HSD17B12: variants seen among roughly 807,000 people sequenced by gnomAD.
HSD17B12 encodes the protein very-long-chain 3-oxoacyl-CoA reductase.
In HSD17B12, 32 loss-of-function variants were observed where a neutral mutation model predicts 39.3. The observed-to-expected ratio is 0.81, with a 90% confidence interval of 0.61 to 1.09. The LOEUF (loss-of-function observed/expected upper bound fraction) is 1.09, where lower values mean the gene tolerates loss of function less well. HSD17B12 is among the 50% of genes least tolerant of loss of function. The pLI is 0.00. For synonymous variants in HSD17B12, 150 were observed against 146.7 expected (o/e 1.02, Z -0.16); for missense variants, 342 against 382.9 (o/e 0.89, Z 0.89).
At chr11:43,784,579 T>C (rs1950798688) in intron 3 of HSD17B12, among the ~76,000 whole-genome samples, 1 of 151,876 alleles carries the variant, frequency 6.6e-6, no homozygotes, top group Admixed American at 6.6e-5. Context: ...TGAGACAGAG[T>C]GATAGTGATT....
At chr11:43,642,796 T>G in the HSD17B12 span, among the ~76,000 whole-genome samples, 7 of 151,928 alleles carry the variant, frequency 4.6e-5, no homozygotes, top group African/African-American at 1.7e-4. Flanking sequence ...TATCTTGGTA[T>G]ATGGCATTTG....
At position 43,690,390 on chromosome 11, in the gene HSD17B12, A is replaced by AT. The variant is rs1196143107; in HGVS notation, c.160+9404dup. 8.2e-3 allele frequency among the ~76,000 whole-genome samples: 120 copies of AT among 14,570 alleles called. 1 individual carries two copies. The highest frequency in any genetic ancestry group is 0.014 in the Admixed American group (14 of 1,004). The allele number at this position is 14,570 out of a possible 152,430, so 9.6% of individuals were successfully genotyped here. A position where few individuals can be genotyped will look rare whatever the true frequency, so the allele number is the denominator to read the frequency against. On this transcript the variant is annotated intron_variant, in intron 1 of 10. Coordinates refer to ENST00000278353, the MANE Select transcript of HSD17B12 (RefSeq NM_016142.3). ...TATATATATATATATATATATATAT[A>AT]TATATATATATATATTTTTTTTTTT...
chr11:43,592,537 A>C, the HSD17B12 span, among the ~76,000 whole-genome samples: 1 of 152,096 alleles, frequency 6.6e-6, no homozygotes, highest in Non-Finnish European at 1.5e-5. Flanking sequence ...CATTGTGACC[A>C]CCCACCTGGT....
the HSD17B12 span, among the ~76,000 whole-genome samples, chr11:43,564,016 C>CCA: frequency 6.6e-6 from 1 of 152,066 alleles, no homozygotes; most frequent in Admixed American, 6.6e-5. Flanking sequence ...TAGGTGCACG[C>CCA]CACCATGCCT....
chr11:43,783,211 A>G (rs1255913975), intron 3 of HSD17B12, among the ~76,000 whole-genome samples: 1 of 152,194 alleles, frequency 6.6e-6, no homozygotes, highest in East Asian at 1.9e-4. Context: ...GTAAAAATTG[A>G]CAGGCTCTGA....
chr11:43,771,873 G>C (rs1276748245), intron 3 of HSD17B12, among the ~76,000 whole-genome samples: 10 of 152,016 alleles, frequency 6.6e-5, no homozygotes, highest in Non-Finnish European at 4.4e-5. Context: ...TTACAAATAT[G>C]GTAGCAGACT....
the HSD17B12 span, among the ~76,000 whole-genome samples, chr11:43,674,885 A>G: frequency 3.4e-3 from 518 of 152,242 alleles, 3 homozygotes; most frequent in East Asian, 0.03. Context: ...TCCCCCACCT[A>G]AATTAGGTCC....
At chr11:43,784,301 ATATTATTATTATTATTATTATTAT>A (rs36168037) in intron 3 of HSD17B12, among the ~76,000 whole-genome samples, 2 of 143,116 alleles carry the variant, frequency 1.4e-5, no homozygotes, top group Non-Finnish European at 3.0e-5. Context: ...TCAGGGATTG[ATATTATTATTATTATTATTATTAT>A]TATTATTATT....
chr11:43,802,076 C>T (rs969297124), intron 4 of HSD17B12, among the ~76,000 whole-genome samples: 1 of 151,986 alleles, frequency 6.6e-6, no homozygotes, highest in Non-Finnish European at 1.5e-5. Context: ...AGCTCCATCT[C>T]CCAGGTTCAC....
At chr11:43,679,010 A>G (rs1263229744), upstream of HSD17B12, among the ~76,000 whole-genome samples, 1 of 152,126 alleles carries the variant, frequency 6.6e-6, no homozygotes, top group Non-Finnish European at 1.5e-5. Context: ...CATTGAATCT[A>G]TACATTACCT....
At chr11:43,708,979 C>G (rs1950040291) in intron 1 of HSD17B12, among the ~76,000 whole-genome samples, 1 of 152,152 alleles carries the variant, frequency 6.6e-6, no homozygotes, top group South Asian at 2.1e-4. Context: ...ACTGTGCCCT[C>G]CAGTGGAGAA....
the HSD17B12 span, among the ~76,000 whole-genome samples, chr11:43,660,661 A>C: frequency 2.8e-4 from 42 of 152,312 alleles, no homozygotes; most frequent in African/African-American, 9.4e-4. Context: ...ATAACCTATT[A>C]GTTTGCTCCT....
the HSD17B12 span, among the ~76,000 whole-genome samples, chr11:43,619,233 A>G: frequency 4.1e-5 from 1 of 24,580 alleles, no homozygotes; most frequent in Non-Finnish European, 9.2e-5. Context: ...TATATGATAT[A>G]TATATATATA....
rs558025724 is a variant in HSD17B12, at chr11:43,699,059, A to T, written c.160+18072A>T. Among the ~76,000 whole-genome samples the T allele has an allele frequency of 4.6e-5, 7 of 152,324 alleles. No homozygotes were observed. The South Asian group carries it at 1.4e-3, about 32-fold the overall frequency. On this transcript the variant is annotated intron_variant, in intron 1 of 10. Coordinates refer to ENST00000278353, the MANE Select transcript of HSD17B12 (RefSeq NM_016142.3). ...AGCTTCAACTTTATTTTTAACATAT[A>T]CAAAAGGTATGTATGGTTAGTTACT... is the stretch of plus-strand genomic sequence containing the variant.
intron 1 of HSD17B12, among the ~76,000 whole-genome samples, chr11:43,686,385 G>A (rs2134768458): frequency 6.6e-6 from 1 of 152,316 alleles, no homozygotes; most frequent in East Asian, 1.9e-4. Flanking sequence ...GCAGATTAAA[G>A]TTGGCAGGGC....
rs371933741 is a variant in HSD17B12 at position 43,720,780 on chromosome 11, AC to A, written c.161-30130del. On this transcript the variant is annotated intron_variant, in intron 1 of 10. Coordinates refer to ENST00000278353, the MANE Select transcript of HSD17B12 (RefSeq NM_016142.3). ...AAGATTTACTATAGGTGAGAAGTTA[AC>A]AAGTGGTAGCCTGTGTATGTATCTG... 2.7e-3 allele frequency among the ~76,000 whole-genome samples: 415 copies of A among 152,178 alleles called. 1 individual carries two copies. The highest frequency in any genetic ancestry group is 9.7e-3 in the African/African-American group (404 of 41,496).
chr11:43,590,782 T>C, the HSD17B12 span, among the ~76,000 whole-genome samples: 1 of 149,150 alleles, frequency 6.7e-6, no homozygotes, highest in Non-Finnish European at 1.5e-5. Flanking sequence ...AGTGCTGGGA[T>C]TACAGGCCAC....
chr11:43,816,247 T>C, intron 5 of HSD17B12, 100 bp from the exon 6 acceptor site: 1 of 994,178 alleles, frequency 1.0e-6, no homozygotes. Context: ...CTGCAATATC[T>C]GGGGAAATGT....
At chr11:43,740,549 A>G (rs1005599461) in intron 1 of HSD17B12, among the ~76,000 whole-genome samples, 2 of 152,242 alleles carry the variant, frequency 1.3e-5, no homozygotes, top group Non-Finnish European at 2.9e-5. Context: ...CAGTGGTGTT[A>G]TCAGGGACCT....
Sources: gnomAD v4.1 joint callset for allele counts (sites outside exome capture counted in the v4.1 genomes callset) on GRCh38, gnomAD v4.1.1 for gene constraint, MANE v1.5 for transcripts, NCBI Gene and HGNC (gene_info 2026-07-23, HGNC 2026-07-21) for gene names.